LARP4B: variants seen among roughly 807,000 people sequenced by gnomAD.
LARP4B encodes La ribonucleoprotein 4B, also known as la-related protein 4B.
In LARP4B, 12 loss-of-function variants were observed where a neutral mutation model predicts 89.8. The observed-to-expected ratio is 0.13, with a 90% CI of 0.09 to 0.22. LARP4B has a LOEUF of 0.22. Among genes scored for constraint, LARP4B ranks in the 10% least tolerant of loss-of-function variants. The pLI, the probability that LARP4B is intolerant of heterozygous loss-of-function variation, is 1.00. For missense variants in LARP4B, 757 were observed against 947.7 expected (o/e 0.80, Z 2.64); for synonymous variants, 367 against 363.3 (o/e 1.01, Z -0.12).
At chr10:882,252 A>C (rs1054413509) in intron 3 of LARP4B, among the ~76,000 whole-genome samples, 9 of 152,156 alleles carry the variant, frequency 5.9e-5, no homozygotes, top group Non-Finnish European at 8.8e-5. Context: ...TACTTTAATA[A>C]AGTTTTTTTT....
chr10:826,440 T>G (rs1024523013), intron 11 of LARP4B, among the ~76,000 whole-genome samples: 3 of 152,178 alleles, frequency 2.0e-5, no homozygotes, highest in Non-Finnish European at 4.4e-5. Flanking sequence ...TATACTAACA[T>G]AAGATTCAGA....
At chr10:846,626 A>C (rs1389850995) in intron 5 of LARP4B, among the ~76,000 whole-genome samples, 2 of 152,182 alleles carry the variant, frequency 1.3e-5, no homozygotes, top group South Asian at 2.1e-4. Context: ...GGAGGACGTT[A>C]AAGTAACCTA....
intron 8 of LARP4B, among the ~76,000 whole-genome samples, chr10:834,031 A>T (rs1031063688): frequency 5.9e-5 from 9 of 152,232 alleles, no homozygotes; most frequent in African/African-American, 9.6e-5. Flanking sequence ...ATACCATACT[A>T]ATGTCAATCA....
chr10:915,749 C>T (rs981566932), intron 1 of LARP4B, among the ~76,000 whole-genome samples: 14 of 148,468 alleles, frequency 9.4e-5, no homozygotes, highest in Admixed American at 7.0e-4. Flanking sequence ...AGGAGAATGG[C>T]GTGAACCCAG....
chr10:814,779 G>A lies in LARP4B; in HGVS notation c.1892C>T (p.Thr631Ile). 6.2e-7 allele frequency: 1 copy of A among 1,604,306 alleles called. No homozygotes were observed. Among genetic ancestry groups the A allele is most frequent in the Admixed American group, 1.7e-5 (1 of 59,102 alleles). ...GTTCACCTGCACCGATTTACACGCGGTCGCAGTGAGGGCGGAAGGAAGTCT... is the reference window on the plus strand; with the variant it reads ...GTTCACCTGCACCGATTTACACGCGATCGCAGTGAGGGCGGAAGGAAGTCT... ...VDRLPSALTA[T>I]ACKSVQVNGA... is the part of the protein sequence containing the mutation. Residue 631 changes from threonine to isoleucine, a missense_variant, in exon 17 of 18, where the codon ACC becomes ATC. Physicochemically the swap from Thr to Ile is moderately conservative, Grantham distance 89 (BLOSUM62 -1). Coordinates refer to ENST00000316157, the MANE Select transcript of LARP4B (RefSeq NM_015155.3). The surrounding 1 kb of genome is among the most constrained non-coding windows in gnomAD (Gnocchi z 4.4).
At chr10:873,344 C>T (rs928356097) in intron 3 of LARP4B, 5 of 985,288 alleles carry the variant, frequency 5.1e-6, no homozygotes, top group East Asian at 1.1e-4. Context: ...CAGCATACTC[C>T]GTGTGCCCAA....
intron 1 of LARP4B, among the ~76,000 whole-genome samples, chr10:907,927 T>C (rs1836538376): frequency 6.6e-6 from 1 of 152,196 alleles, no homozygotes; most frequent in Admixed American, 6.5e-5. Flanking sequence ...AACCCTAGGC[T>C]GGGTGCGGTG....
At position 885,507 on chromosome 10, in the gene LARP4B, C is replaced by T. The variant is rs1351032780; in HGVS notation, c.81+134G>A. On this transcript the variant is annotated intron_variant, in intron 2 of 17. Coordinates refer to ENST00000316157, the MANE Select transcript of LARP4B (RefSeq NM_015155.3). Reference sequence around the variant, plus strand: ...TGGGTAAGAAATCTTTTCTCCCCTACGAGACTCTAATATCTGTATGCAGAT... The same window carrying T: ...TGGGTAAGAAATCTTTTCTCCCCTATGAGACTCTAATATCTGTATGCAGAT... 13 of 555,152 alleles carry T rather than the reference C, an allele frequency of 2.3e-5. No individual in the cohort carries two copies. The South Asian group carries it at 2.6e-4, about 11-fold the overall frequency. The allele number at this position is 555,152 out of a possible 1,614,324, so 34.4% of individuals were successfully genotyped here.
At chr10:908,894 C>CGA (rs1564441367) in intron 1 of LARP4B, among the ~76,000 whole-genome samples, 2 of 152,096 alleles carry the variant, frequency 1.3e-5, no homozygotes, top group African/African-American at 4.8e-5. Context: ...GGTGAGGGGC[C>CGA]GACCCACCTC....
chr10:835,998 C>A (rs1030464952), intron 8 of LARP4B, among the ~76,000 whole-genome samples: 1 of 152,026 alleles, frequency 6.6e-6, no homozygotes, highest in East Asian at 1.9e-4. Flanking sequence ...TGGCTTGGAC[C>A]AGGCTGCACT....
the LARP4B span, among the ~76,000 whole-genome samples, chr10:948,420 G>A: frequency 6.6e-6 from 1 of 151,924 alleles, no homozygotes; most frequent in South Asian, 2.1e-4. Flanking sequence ...CTAATTTTTG[G>A]CATTTTTAGT....
intron 8 of LARP4B, among the ~76,000 whole-genome samples, chr10:834,839 A>G (rs550806709): frequency 2.0e-5 from 3 of 152,276 alleles, no homozygotes; most frequent in Non-Finnish European, 2.9e-5. Context: ...ACAGATGTCC[A>G]AATTAATCAT....
the LARP4B span, among the ~76,000 whole-genome samples, chr10:963,794 T>C: frequency 6.6e-6 from 1 of 152,136 alleles, no homozygotes; most frequent in Admixed American, 6.5e-5. Context: ...TGGTGGAAGG[T>C]GTCAGTCACA....
rs139149310 is a variant in LARP4B, at chr10:822,127, C to T, written c.1485-1282G>A. On this transcript the variant is annotated intron_variant, in intron 13 of 17. Transcript: ENST00000316157. This position sits in a 1 kb window ranked among gnomAD's most constrained non-coding sequence, Gnocchi z 4.6. ...AGGGAGCTGAACTCCTACTCCGCTG[C>T]GCCAGGATTCAGAAGTAGTGGAAAG... Among the ~76,000 whole-genome samples, 32 of 152,342 alleles carry T rather than the reference C, an allele frequency of 2.1e-4. No homozygotes were observed. The highest frequency in any genetic ancestry group is 6.5e-4 in the African/African-American group (27 of 41,576).
rs1483842839 is a variant in LARP4B at position 814,987 on chromosome 10, T to C, written c.1779A>G (p.Ser593=). ...GGGAGGGGGATCGCTCGTACGTTGC[T>C]GATACAGCACAAGAAGCCGGCACCG... ...EPSVPASCAV[S]ATYERSPSPA... is the part of the protein sequence containing the mutation. The change falls in exon 16 of 18, where the codon TCA becomes TCG. Residue 593 remains serine, a synonymous_variant. Transcript: ENST00000316157. This position sits in a 1 kb window ranked among gnomAD's most constrained non-coding sequence, Gnocchi z 4.4. 2 of 1,608,098 alleles carry C rather than the reference T, an allele frequency of 1.2e-6. No individual in the cohort carries two copies. The highest frequency in any genetic ancestry group is 1.7e-6 in the Non-Finnish European group (2 of 1,176,304).
intron 7 of LARP4B, among the ~76,000 whole-genome samples, chr10:838,859 C>A (rs1307655743): frequency 6.6e-6 from 1 of 152,182 alleles, no homozygotes. Flanking sequence ...TGGAAGTAAT[C>A]AAGATGCACT....
chr10:900,968 G>A (rs1266047638), intron 1 of LARP4B, among the ~76,000 whole-genome samples: 1 of 140,192 alleles, frequency 7.1e-6, no homozygotes, highest in African/African-American at 2.7e-5. Flanking sequence ...TGCCCAGGCT[G>A]GAGTGCAATG....
intron 1 of LARP4B, among the ~76,000 whole-genome samples, chr10:910,595 G>C (rs1378721515): frequency 6.6e-6 from 1 of 152,180 alleles, no homozygotes; most frequent in Non-Finnish European, 1.5e-5. Flanking sequence ...TGAGGGCTTT[G>C]CTGTCTTTGG....
intron 11 of LARP4B, among the ~76,000 whole-genome samples, chr10:827,346 G>A (rs1220859708): frequency 6.6e-6 from 1 of 152,110 alleles, no homozygotes; most frequent in African/African-American, 2.4e-5. Context: ...GTAAATCATG[G>A]GCAGAGCAAT....
Sources: gnomAD v4.1 joint callset for allele counts (sites outside exome capture counted in the v4.1 genomes callset) on GRCh38, gnomAD v4.1.1 for gene constraint, Gnocchi (gnomAD v3.1) non-coding constraint, MANE v1.5 for transcripts, NCBI Gene and HGNC (gene_info 2026-07-23, HGNC 2026-07-21) for gene names.